Variants in NFU1 observed in about 807,000 individuals in gnomAD.
NFU1 encodes the protein NFU1 iron-sulfur cluster scaffold homolog, mitochondrial.
Under a neutral mutation model 32.2 loss-of-function variants are expected in NFU1, and 30 were observed. That is an observed-to-expected ratio of 0.93 (90% confidence interval 0.70 to 1.26). The LOEUF is 1.26. Ranked by LOEUF, NFU1 falls within the 50% of genes most tolerant of loss-of-function variation. The pLI, the probability that NFU1 is intolerant of heterozygous loss-of-function variation, is 0.00. For synonymous variants in NFU1, 112 were observed against 104.6 expected (o/e 1.07, Z -0.43); for missense variants, 306 against 306.6 (o/e 1.00, Z 0.02).
intron 7 of NFU1, among the ~76,000 whole-genome samples, chr2:69,399,054 T>C (rs1278758793): frequency 6.6e-6 from 1 of 151,274 alleles, no homozygotes; most frequent in Non-Finnish European, 1.5e-5. Flanking sequence ...TCTACTAAAA[T>C]ACAAAATACA....
intron 3 of NFU1, among the ~76,000 whole-genome samples, chr2:69,420,451 A>G (rs1196904900): frequency 1.3e-5 from 2 of 152,194 alleles, no homozygotes; most frequent in South Asian, 2.1e-4. Context: ...CTTGATGTAA[A>G]TGTTTCAAAC....
At chr2:69,410,208 G>A (rs1348202682) in intron 5 of NFU1, among the ~76,000 whole-genome samples, 1 of 152,126 alleles carries the variant, frequency 6.6e-6, no homozygotes, top group African/African-American at 2.4e-5. Context: ...GGCCAACATG[G>A]TGAAACCCTA....
chr2:69,438,770 G>A (rs1024078887), upstream of NFU1, among the ~76,000 whole-genome samples: 3 of 151,870 alleles, frequency 2.0e-5, no homozygotes, highest in African/African-American at 7.3e-5. Context: ...AGCTCGCCCG[G>A]GCCCGCACAC....
chr2:69,397,032 G>A (rs1672362223), intron 7 of NFU1, among the ~76,000 whole-genome samples: 1 of 149,874 alleles, frequency 6.7e-6, no homozygotes, highest in Non-Finnish European at 1.5e-5. Context: ...AGTGCCTGGT[G>A]ATAGAGCACT....
intron 3 of NFU1, among the ~76,000 whole-genome samples, chr2:69,422,220 T>G (rs1008945714): frequency 6.6e-6 from 1 of 152,050 alleles, no homozygotes; most frequent in African/African-American, 2.4e-5. Flanking sequence ...AAAGGGATAA[T>G]TTATGCCCTG....
chr2:69,435,009 G>A (rs913842276), intron 1 of NFU1, among the ~76,000 whole-genome samples: 1 of 152,206 alleles, frequency 6.6e-6, no homozygotes, highest in Non-Finnish European at 1.5e-5. Flanking sequence ...CTAATCTTAG[G>A]TTCTACAAGA....
In NFU1 at chr2:69,400,554, ATATT is replaced by A. The variant is rs1558807167; in HGVS notation, c.546-20_546-17del. On this transcript the variant is annotated splice_polypyrimidine_tract_variant and intron_variant, in intron 6 of 7. Transcript: ENST00000410022. ...CACAGTTGGCCTGTGAGGTCAAAGA[ATATT>A]TATGACATATTCTTTAAAATACAAG... 1 of 1,610,976 alleles carries A rather than the reference ATATT, an allele frequency of 6.2e-7. No individual in the cohort carries two copies. Among genetic ancestry groups the A allele is most frequent in the Admixed American group, 1.7e-5 (1 of 59,958 alleles).
At chr2:69,399,467 TG>T in intron 7 of NFU1, 1 of 425,480 alleles carries the variant, frequency 2.4e-6, no homozygotes, top group East Asian at 7.4e-5. Context: ...CAACAAACTA[TG>T]ATTTCTTAAT....
At chr2:69,418,115 G>GT (rs1673116566) in intron 4 of NFU1, among the ~76,000 whole-genome samples, 1 of 151,898 alleles carries the variant, frequency 6.6e-6, no homozygotes, top group Non-Finnish European at 1.5e-5. Context: ...CTGAAGAATG[G>GT]GGGGCTGGAC....
At chr2:69,429,966 T>C in intron 2 of NFU1, 1 of 316,378 alleles carries the variant, frequency 3.2e-6, no homozygotes, top group Middle Eastern at 7.4e-4. Context: ...GAGGCGGAGG[T>C]TACAGTGAGC....
chr2:69,437,415 G>A lies in NFU1; in HGVS notation c.8C>T (p.Ala3Val), dbSNP rs975310478. The stretch of plus-strand genomic sequence containing the variant: ...AGCTCCCCAGCCCCGCCTGGCCGTC[G>A]CCGCCATCTTAGTCCGGAGTGCCTA... MAATARRGWGAAA... is the reference protein window; with the variant it reads MAVTARRGWGAAA... Residue 3 changes from alanine (A) to valine (V), a missense_variant, in exon 1 of 8, where the codon GCG (alanine) becomes GTG (valine). Transcript: ENST00000410022. 13 of 1,610,510 alleles carry A rather than the reference G, an allele frequency of 8.1e-6. No homozygotes were observed. The highest frequency in any genetic ancestry group is 1.1e-5 in the Non-Finnish European group (13 of 1,179,516).
chr2:69,435,099 T>G (rs1405756960), intron 1 of NFU1, among the ~76,000 whole-genome samples: 1 of 152,236 alleles, frequency 6.6e-6, no homozygotes, highest in Non-Finnish European at 1.5e-5. Context: ...CATTTACATC[T>G]ACACCTTAGC....
chr2:69,436,366 C>T (rs1342209975), intron 1 of NFU1, among the ~76,000 whole-genome samples: 2 of 152,112 alleles, frequency 1.3e-5, no homozygotes, highest in African/African-American at 4.8e-5. Flanking sequence ...GGTAAAAATG[C>T]CTTTTTCTAT....
chr2:69,437,463 G>A (rs775615702), upstream of NFU1: 2 of 1,599,752 alleles, frequency 1.3e-6, no homozygotes, highest in South Asian at 1.1e-5. Context: ...ACAGAACCAC[G>A]AAAGATCTGC....
rs114846829 is a variant in NFU1, at chr2:69,437,352, G to C, written c.62+9C>G. The C allele has an allele frequency of 6.2e-7, 1 of 1,605,476 alleles. No homozygotes were observed. The highest frequency in any genetic ancestry group is 1.1e-5 in the South Asian group (1 of 90,364). ...CACACCTATTCGGAGCTCCAGGCTC[G>C]TCACCTACCGCCTGCGCAGCCCGGC... is the stretch of plus-strand genomic sequence containing the variant. On this transcript the variant is annotated intron_variant, in intron 1 of 7. Coordinates refer to ENST00000410022, the MANE Select transcript of NFU1 (RefSeq NM_001002755.4).
intron 7 of NFU1, among the ~76,000 whole-genome samples, chr2:69,397,702 C>A (rs192487181): frequency 6.6e-6 from 1 of 151,630 alleles, no homozygotes; most frequent in Non-Finnish European, 1.5e-5. Flanking sequence ...CACCTGAGGT[C>A]AAGAGTTCAA....
chr2:69,396,849 G>A (rs901459111), intron 7 of NFU1, among the ~76,000 whole-genome samples: 5 of 152,016 alleles, frequency 3.3e-5, no homozygotes, highest in African/African-American at 1.2e-4. Context: ...GAGGCAGGCA[G>A]ATCATGAGGG....
intron 2 of NFU1, among the ~76,000 whole-genome samples, chr2:69,427,448 A>C (rs1015839396): frequency 2.0e-5 from 3 of 150,692 alleles, no homozygotes; most frequent in Admixed American, 6.6e-5. Context: ...TTGGGAGGTA[A>C]AGGCAGGTGG....
At chr2:69,412,689 A>T (rs984639414) in intron 5 of NFU1, among the ~76,000 whole-genome samples, 1 of 151,950 alleles carries the variant, frequency 6.6e-6, no homozygotes, top group Non-Finnish European at 1.5e-5. Flanking sequence ...CCAGCCAAAA[A>T]AATTTTAAAA....
Sources: gnomAD v4.1 joint callset for allele counts (sites outside exome capture counted in the v4.1 genomes callset) on GRCh38, gnomAD v4.1.1 for gene constraint, MANE v1.5 for transcripts, NCBI Gene and HGNC (gene_info 2026-07-23, HGNC 2026-07-21) for gene names.